FLNB: variants seen among roughly 807,000 people sequenced by gnomAD.
FLNB encodes the protein filamin-B.
Under a neutral mutation model 250.6 loss-of-function variants are expected in FLNB, and 111 were observed. The observed-to-expected ratio is 0.44, with a 90% CI of 0.38 to 0.52. The LOEUF (loss-of-function observed/expected upper bound fraction) is 0.52. FLNB is among the 20% of genes least tolerant of loss of function. The pLI, the probability that FLNB is intolerant of heterozygous loss-of-function variation, is 0.00. For synonymous variants in FLNB, 1,302 were observed against 1,372.1 expected, an observed-to-expected ratio of 0.95 and a Z score of 1.13; for missense variants, 2,869 against 3,447.8, an observed-to-expected ratio of 0.83 and a Z score of 4.20.
chr3:58,094,028 A>C (rs1000660401), intron 4 of FLNB, among the ~76,000 whole-genome samples: 1 of 152,214 alleles, frequency 6.6e-6, no homozygotes, highest in Non-Finnish European at 1.5e-5. Context: ...AATGTTCTCT[A>C]TTTTGATTGT....
Position 58,123,615 on chromosome 3 carries a change from C to T in FLNB, c.3649C>T (p.Pro1217Ser). 1 of 1,612,654 alleles carries T rather than the reference C, an allele frequency of 6.2e-7. No homozygotes were observed. Reference sequence around the variant, plus strand: ...TGGTGGCGAACTCGTGCCACACTTCCCCGCCCGGGTCAAGGTGGAGCCCGC... The same window carrying T: ...TGGTGGCGAACTCGTGCCACACTTCTCCGCCCGGGTCAAGGTGGAGCCCGC... Reference protein sequence around the residue: ...KYGGELVPHFPARVKVEPAVD... With the variant: ...KYGGELVPHFSARVKVEPAVD... Residue 1217 changes from proline to serine, a missense_variant, in exon 21 of 46, where the codon CCC (proline) becomes TCC (serine). By Grantham distance (74) the Pro-to-Ser change is moderately conservative. This residue lies in a region of FLNB where 1,348 missense variants were observed against 1,466.7 expected (regional missense o/e 0.92). Coordinates refer to ENST00000295956, the MANE Select transcript of FLNB (RefSeq NM_001457.4).
intron 6 of FLNB, 118 bp from the exon 7 acceptor site, chr3:58,097,697 C>A: frequency 9.6e-7 from 1 of 1,036,294 alleles, no homozygotes; most frequent in Non-Finnish European, 1.5e-6. Flanking sequence ...TTCTAGACAC[C>A]TTGTGTGTGC....
At position 58,078,477 on chromosome 3, in the gene FLNB, C is replaced by G. The variant is rs1342136941; in HGVS notation, c.542-240C>G. The G allele has an allele frequency of 3.9e-6, 6 of 1,535,918 alleles. No individual in the cohort carries two copies. The East Asian group carries it at 1.5e-4, about 38-fold the overall frequency. On this transcript the variant is annotated intron_variant, in intron 2 of 45. Coordinates refer to ENST00000295956, the MANE Select transcript of FLNB (RefSeq NM_001457.4). Reference sequence around the variant, plus strand: ...CCACTTCTTCAAGGAATGGATAATCCCCATCTTCATGCAAGAACATAGCAC... The same window carrying G: ...CCACTTCTTCAAGGAATGGATAATCGCCATCTTCATGCAAGAACATAGCAC...
intron 1 of FLNB, among the ~76,000 whole-genome samples, chr3:58,022,006 C>A (rs2097114824): frequency 6.6e-6 from 1 of 152,172 alleles, no homozygotes. Flanking sequence ...CTCCTGGGCT[C>A]AAGCGATCTG....
intron 4 of FLNB, among the ~76,000 whole-genome samples, chr3:58,092,232 T>C (rs1457626630): frequency 6.6e-6 from 1 of 152,212 alleles, no homozygotes; most frequent in Non-Finnish European, 1.5e-5. Context: ...ATATTAATAC[T>C]GATAACACTA....
At chr3:58,133,696 A>G (rs1188854279) in intron 26 of FLNB, among the ~76,000 whole-genome samples, 1 of 152,098 alleles carries the variant, frequency 6.6e-6, no homozygotes, top group Non-Finnish European at 1.5e-5. Flanking sequence ...ACCTCTTGGA[A>G]CAATCTCTAA....
chr3:58,101,920 T>G (rs2097251824), intron 8 of FLNB, among the ~76,000 whole-genome samples: 1 of 152,242 alleles, frequency 6.6e-6, no homozygotes, highest in Non-Finnish European at 1.5e-5. Flanking sequence ...AAAGGTTAAA[T>G]GCTGGAAGCA....
intron 1 of FLNB, among the ~76,000 whole-genome samples, chr3:58,050,630 C>A (rs1355416488): frequency 1.3e-5 from 2 of 152,174 alleles, no homozygotes; most frequent in African/African-American, 4.8e-5. Flanking sequence ...AGTGAGGACT[C>A]ATGGGTGAGC....
chr3:58,146,398 GCCCATT>G (rs2097335848), intron 33 of FLNB, among the ~76,000 whole-genome samples: 1 of 152,196 alleles, frequency 6.6e-6, no homozygotes, highest in African/African-American at 2.4e-5. Context: ...AAAGCTGTGT[GCCCATT>G]CCCGTGGTAT....
chr3:58,080,446 C>G (rs1028632501), intron 3 of FLNB, among the ~76,000 whole-genome samples: 2 of 151,044 alleles, frequency 1.3e-5, no homozygotes, highest in African/African-American at 4.9e-5. Context: ...CAGGATGGGT[C>G]TAGTCTTGCT....
At chr3:58,124,564 C>T (rs2097294457) in intron 22 of FLNB, 59 bp downstream of exon 22, 1 of 1,578,194 alleles carries the variant, frequency 6.3e-7, no homozygotes, top group Non-Finnish European at 8.7e-7. Context: ...GTCATTGCCT[C>T]CTGGTGGCTG....
At chr3:58,168,958 T>C in intron 44 of FLNB, 1 of 368,890 alleles carries the variant, frequency 2.7e-6, no homozygotes, top group Non-Finnish European at 5.1e-6. Flanking sequence ...AAAAATCCCC[T>C]GATTTCTAAT....
intron 4 of FLNB, among the ~76,000 whole-genome samples, chr3:58,089,342 C>G (rs909014385): frequency 6.6e-6 from 1 of 152,052 alleles, no homozygotes; most frequent in South Asian, 2.1e-4. Context: ...GTCAGGAATT[C>G]GATACCAGCC....
Position 58,067,585 on chromosome 3 carries a change from G to T in FLNB, c.293-9461G>T, listed in dbSNP as rs201687139. Among the ~76,000 whole-genome samples the T allele has an allele frequency of 5.1e-3, 457 of 90,258 alleles. 3 individuals are homozygous for T. The highest frequency in any genetic ancestry group is 0.019 in the African/African-American group (372 of 19,624). The allele number at this position is 90,258 out of a possible 152,430, so 59.2% of individuals were successfully genotyped here. A position where few individuals can be genotyped will look rare whatever the true frequency, so the allele number is the denominator to read the frequency against. ...TGTAACAAAGAGGTTTTTTTTGTTT[G>T]TTTTTTTGTTTTTTTTTTGTTTTTT... On this transcript the variant is annotated intron_variant, in intron 1 of 45. Coordinates refer to ENST00000295956, the MANE Select transcript of FLNB (RefSeq NM_001457.4).
At chr3:58,054,820 G>C (rs140067004) in intron 1 of FLNB, among the ~76,000 whole-genome samples, 1 of 152,116 alleles carries the variant, frequency 6.6e-6, no homozygotes, top group African/African-American at 2.4e-5. Context: ...ACTATGGCAT[G>C]GGGGCCATAT....
chr3:58,123,459 G>T lies in FLNB; in HGVS notation c.3493G>T (p.Ala1165Ser), dbSNP rs753562279. The T allele has an allele frequency of 7.5e-6, 12 of 1,608,002 alleles. No individual in the cohort carries two copies. In the African/African-American group the frequency reaches 8.0e-5, roughly 11 times the overall value. ...SVDCSEAGPG[A>S]LGLEAVSDSG... ...CGACTGCTCGGAAGCGGGACCGGGG[G>T]CCCTGGGCCTGGAAGCTGTCTCGGA... Residue 1165 changes from alanine to serine, a missense_variant, in exon 21 of 46, where the codon GCC (alanine) becomes TCC (serine). By Grantham distance (99) the Ala-to-Ser change is moderately conservative. This residue lies in a region of FLNB where 1,348 missense variants were observed against 1,466.7 expected (regional missense o/e 0.92). Transcript: ENST00000295956.
intron 1 of FLNB, among the ~76,000 whole-genome samples, chr3:58,065,046 C>A (rs1284339904): frequency 1.4e-4 from 21 of 149,790 alleles, no homozygotes; most frequent in Admixed American, 1.4e-3. Context: ...GACCCTGTCT[C>A]AAAAAAAAAA....
intron 1 of FLNB, among the ~76,000 whole-genome samples, chr3:58,053,636 T>G (rs529694806): frequency 1.4e-4 from 21 of 152,158 alleles, no homozygotes; most frequent in African/African-American, 2.7e-4. Flanking sequence ...AATTTTTTTT[T>G]TATTTTTAGT....
chr3:58,121,456 G>A lies in FLNB; in HGVS notation c.3079G>A (p.Gly1027Arg), dbSNP rs1021942556. 8.1e-6 allele frequency: 13 copies of A among 1,613,964 alleles called. No individual in the cohort carries two copies. The highest frequency in any genetic ancestry group is 1.3e-5 in the African/African-American group (1 of 74,920). ...GACCTACGATGGACACCCTGTGCCC[G>A]GGAGCCCCTACACAGTGGAGGCCTC... ...DVTYDGHPVP[G>R]SPYTVEASLP... The change falls in exon 20 of 46, where the codon GGG becomes AGG. Residue 1027 changes from glycine to arginine, a missense_variant. Gly to Arg is a moderately radical substitution (Grantham distance 125). Around this residue, in one of 5 missense-constraint regions of FLNB, gnomAD observed 1,348 missense variants for 1,466.7 expected, o/e 0.92. Coordinates refer to ENST00000295956, the MANE Select transcript of FLNB (RefSeq NM_001457.4).
Sources: allele counts gnomAD v4.1 joint callset (sites outside exome capture counted in the v4.1 genomes callset), GRCh38; gene constraint gnomAD v4.1.1; regional missense constraint gnomAD v4.1.1; transcripts MANE v1.5; gene names NCBI Gene and HGNC (gene_info 2026-07-23, HGNC 2026-07-21).